NRXN1: variants seen among roughly 807,000 people sequenced by gnomAD.
NRXN1 encodes the protein neurexin-1.
A neutral mutation model predicts 150.9 loss-of-function variants in NRXN1; 39 were observed. The observed-to-expected ratio is 0.26, with a 90% CI of 0.20 to 0.34. The LOEUF (loss-of-function observed/expected upper bound fraction) is 0.34. Among genes scored for constraint, NRXN1 ranks in the 10% least tolerant of loss-of-function variants. The probability of loss-of-function intolerance (pLI) is 1.00; values close to 1 mark genes in which losing one functional copy is unlikely to be tolerated. For missense variants in NRXN1, 1,815 were observed against 1,949.9 expected, an observed-to-expected ratio of 0.93 and a Z score of 1.30; for synonymous variants, 924 against 757.0, an observed-to-expected ratio of 1.22 and a Z score of -3.62.
At chr2:50,802,658 A>G (rs1173211027) in intron 5 of NRXN1, among the ~76,000 whole-genome samples, 1 of 151,974 alleles carries the variant, frequency 6.6e-6, no homozygotes, top group Non-Finnish European at 1.5e-5. Context: ...GGAAGGAAGG[A>G]AAGAAAATAG....
chr2:50,131,720 T>G (rs1705520167), intron 18 of NRXN1, among the ~76,000 whole-genome samples: 1 of 152,208 alleles, frequency 6.6e-6, no homozygotes, highest in Non-Finnish European at 1.5e-5. Context: ...ATGGGCTGTT[T>G]TAAAGGCTAG....
At chr2:50,130,834 A>G (rs1041217699) in intron 18 of NRXN1, among the ~76,000 whole-genome samples, 2 of 152,198 alleles carry the variant, frequency 1.3e-5, no homozygotes, top group Non-Finnish European at 2.9e-5. Flanking sequence ...CTCCAGGTGA[A>G]GACTTGAAAA....
intron 5 of NRXN1, 144 bp from the exon 6 acceptor site, chr2:50,623,759 G>GTACT: frequency 1.6e-6 from 1 of 625,814 alleles, no homozygotes; most frequent in East Asian, 2.7e-5. Flanking sequence ...CAGTCAAACA[G>GTACT]TACTGTACAG....
chr2:50,112,957 A>G (rs1231122687), intron 18 of NRXN1, among the ~76,000 whole-genome samples: 1 of 152,178 alleles, frequency 6.6e-6, no homozygotes, highest in Non-Finnish European at 1.5e-5. Flanking sequence ...TGCCTATGCC[A>G]TTTCTGTTGC....
At chr2:50,456,329 T>C (rs2087555159) in intron 17 of NRXN1, among the ~76,000 whole-genome samples, 1 of 152,146 alleles carries the variant, frequency 6.6e-6, no homozygotes, top group South Asian at 2.1e-4. Flanking sequence ...TTCTGAGAGA[T>C]GTGAATTTAG....
At chr2:50,389,357 T>G (rs1316134014) in intron 17 of NRXN1, among the ~76,000 whole-genome samples, 1 of 150,504 alleles carries the variant, frequency 6.6e-6, no homozygotes, top group Non-Finnish European at 1.5e-5. Flanking sequence ...TGATAATTCT[T>G]ACATAGAGAA....
chr2:50,276,596 C>A (rs1258431782), intron 17 of NRXN1, among the ~76,000 whole-genome samples: 1 of 152,158 alleles, frequency 6.6e-6, no homozygotes, highest in Non-Finnish European at 1.5e-5. Context: ...GAGACCTCAG[C>A]TACATGATAG....
intron 18 of NRXN1, among the ~76,000 whole-genome samples, chr2:50,127,431 A>C (rs1257704206): frequency 1.3e-5 from 2 of 152,174 alleles, no homozygotes; most frequent in South Asian, 4.1e-4. Flanking sequence ...TTGTCACTTG[A>C]AATAGAATTG....
At chr2:50,662,517 C>T (rs1687441846) in intron 5 of NRXN1, among the ~76,000 whole-genome samples, 1 of 151,940 alleles carries the variant, frequency 6.6e-6, no homozygotes, top group African/African-American at 2.4e-5. Flanking sequence ...CGCAGGAGGC[C>T]CAGGACAGCT....
chr2:50,214,430 A>G (rs1351967223), intron 18 of NRXN1, among the ~76,000 whole-genome samples: 1 of 151,966 alleles, frequency 6.6e-6, no homozygotes, highest in Non-Finnish European at 1.5e-5. Flanking sequence ...TATATTCCAT[A>G]CTTTCAGCAT....
At chr2:50,127,042 G>T (rs552200159) in intron 18 of NRXN1, among the ~76,000 whole-genome samples, 3 of 152,082 alleles carry the variant, frequency 2.0e-5, no homozygotes, top group South Asian at 2.1e-4. Flanking sequence ...CTTTGTGCTT[G>T]CAATTAGGCT....
At chr2:51,001,568 A>G (rs10195460) in intron 2 of NRXN1, among the ~76,000 whole-genome samples, 96,592 of 151,756 alleles carry the variant, frequency 0.64, 31,130 homozygotes, top group East Asian at 0.75. Flanking sequence ...TTAAGCATAC[A>G]TTTTTCCACC....
chr2:50,952,726 C>CA (rs1350918242), intron 2 of NRXN1, among the ~76,000 whole-genome samples: 6 of 152,200 alleles, frequency 3.9e-5, no homozygotes, highest in African/African-American at 1.4e-4. Context: ...CCAGGCCATG[C>CA]AATTTGGCAG....
At chr2:51,001,641 A>T (rs1700091399) in intron 2 of NRXN1, among the ~76,000 whole-genome samples, 1 of 152,008 alleles carries the variant, frequency 6.6e-6, no homozygotes, top group South Asian at 2.1e-4. Context: ...TAGGCACAGT[A>T]AACATTATAA....
intron 2 of NRXN1, among the ~76,000 whole-genome samples, chr2:51,015,916 A>T (rs1558590339): frequency 6.6e-6 from 1 of 152,094 alleles, no homozygotes; most frequent in African/African-American, 2.4e-5. Flanking sequence ...TACAGCCAAG[A>T]AAATCCCAAG....
intron 5 of NRXN1, among the ~76,000 whole-genome samples, chr2:50,827,832 A>G (rs933827324): frequency 6.6e-6 from 1 of 150,584 alleles, no homozygotes; most frequent in Non-Finnish European, 1.5e-5. Context: ...GCCTTCAAGC[A>G]TCTGTTTAAC....
intron 18 of NRXN1, among the ~76,000 whole-genome samples, chr2:50,126,384 A>G (rs1213071147): frequency 1.3e-5 from 2 of 152,128 alleles, no homozygotes; most frequent in Non-Finnish European, 2.9e-5. Context: ...AATTCAGCAG[A>G]TAAAAAATAA....
chr2:50,415,437 G>A (rs548618373), intron 17 of NRXN1, among the ~76,000 whole-genome samples: 4 of 152,072 alleles, frequency 2.6e-5, no homozygotes, highest in Admixed American at 1.3e-4. Context: ...GTGGAAATGC[G>A]CTGTCTCATC....
chr2:49,968,046 T>C (rs1430926003), intron 21 of NRXN1, among the ~76,000 whole-genome samples: 1 of 151,904 alleles, frequency 6.6e-6, no homozygotes, highest in African/African-American at 2.4e-5. Context: ...GTTTACATAA[T>C]TATTATTACT....
Sources: allele counts gnomAD v4.1 joint callset (sites outside exome capture counted in the v4.1 genomes callset), GRCh38; gene constraint gnomAD v4.1.1; transcripts MANE v1.5; gene names NCBI Gene and HGNC (gene_info 2026-07-23, HGNC 2026-07-21).